KCNQ1: variants seen among roughly 807,000 people sequenced by gnomAD.
KCNQ1 encodes the protein potassium voltage-gated channel subfamily KQT member 1.
Under a neutral mutation model 72.4 loss-of-function variants are expected in KCNQ1, and 49 were observed. The observed-to-expected ratio is 0.68, with a 90% CI of 0.54 to 0.86. KCNQ1 has a LOEUF of 0.86. Among genes scored for constraint, KCNQ1 ranks in the 40% least tolerant of loss-of-function variants. KCNQ1 has a pLI of 0.00. For missense variants in KCNQ1, 790 were observed against 945.1 expected (o/e 0.84, Z 2.15); for synonymous variants, 450 against 412.6 (o/e 1.09, Z -1.10).
rs4930126 is a variant in KCNQ1, at chr11:2,571,779, C to T, written c.684-234C>T. ...CTGAGGGAATCTGGAGGTACCTGGC[C>T]GACCCCCAGCTCAGCCCTGTGTGGG... On this transcript the variant is annotated intron_variant, in intron 4 of 15. Coordinates refer to ENST00000155840, the MANE Select transcript of KCNQ1 (RefSeq NM_000218.3). Among the ~76,000 whole-genome samples the T allele has an allele frequency of 0.23, 34,386 of 152,064 alleles. 4,697 individuals are homozygous for T. Among genetic ancestry groups the T allele is most frequent in the East Asian group, 0.54 (2,798 of 5,138 alleles).
intron 2 of KCNQ1, among the ~76,000 whole-genome samples, chr11:2,548,195 A>C (rs1222490644): frequency 1.3e-5 from 2 of 152,214 alleles, no homozygotes; most frequent in Non-Finnish European, 2.9e-5. Context: ...CCGAGGTCCC[A>C]GGGTCATGCG....
chr11:2,806,584 G>C (rs773334459), intron 15 of KCNQ1, among the ~76,000 whole-genome samples: 1 of 152,164 alleles, frequency 6.6e-6, no homozygotes, highest in Non-Finnish European at 1.5e-5. Flanking sequence ...CGAGCAGCTG[G>C]GCCGTGTCTG....
Position 2,767,186 on chromosome 11 carries a change from AT to A in KCNQ1, c.1515-1647del, listed in dbSNP as rs113175447. On this transcript the variant is annotated intron_variant, in intron 11 of 15. Coordinates refer to ENST00000155840, the MANE Select transcript of KCNQ1 (RefSeq NM_000218.3). This position sits in a 1 kb window ranked among gnomAD's most constrained non-coding sequence, Gnocchi z 4.6. ...CATCTATATGTGTGTGTGTGTGTGT[AT>A]TTTTTTTTTTCTTTGCTTAGCTAGG... Among the ~76,000 whole-genome samples the A allele has an allele frequency of 2.8e-3, 419 of 147,486 alleles. No individual in the cohort carries two copies. Among genetic ancestry groups the A allele is most frequent in the African/African-American group, 7.1e-3 (285 of 40,268 alleles).
rs1375828515 is a variant in KCNQ1, at chr11:2,635,850, T to G, written c.1394-26111T>G. ...TTCTTCCATTTGTTTGTATCCTCTT[T>G]TATTTTGTTCAGCAGTGGTTTGTAC... On this transcript the variant is annotated intron_variant, in intron 10 of 15. Transcript: ENST00000155840. 4 of 152,236 alleles carry G rather than the reference T, an allele frequency of 2.6e-5. No homozygotes were observed. In the East Asian group the frequency reaches 7.7e-4, roughly 29 times the overall value. The allele number at this position is 152,236 out of a possible 1,614,324, so 9.4% of individuals were successfully genotyped here.
At position 2,471,894 on chromosome 11, in the gene KCNQ1, GTGTGTGTATGCGTGCACCTA is replaced by G. The variant is rs990542341; in HGVS notation, c.386+26420_386+26439del. On this transcript the variant is annotated intron_variant, in intron 1 of 15. Coordinates refer to ENST00000155840, the MANE Select transcript of KCNQ1 (RefSeq NM_000218.3). The surrounding 1 kb of genome is among the most constrained non-coding windows in gnomAD (Gnocchi z 4.8). ...TGGGTGTGTGTGCACATGTGTATAG[GTGTGTGTATGCGTGCACCTA>G]TGTGTGTATAGGCGTGTATGTGTGC... 2.0e-5 allele frequency among the ~76,000 whole-genome samples: 3 copies of G among 150,878 alleles called. No individual in the cohort carries two copies. Among genetic ancestry groups the G allele is most frequent in the Admixed American group, 6.6e-5 (1 of 15,210 alleles).
At chr11:2,667,184 C>G (rs1850090776) in intron 11 of KCNQ1, 1 of 398,566 alleles carries the variant, frequency 2.5e-6, no homozygotes, top group Non-Finnish European at 4.4e-6. Flanking sequence ...TGCCATCAGC[C>G]CAGCTGTGGC....
intron 2 of KCNQ1, among the ~76,000 whole-genome samples, chr11:2,556,772 A>T (rs1017872124): frequency 1.1e-4 from 17 of 152,198 alleles, no homozygotes; most frequent in African/African-American, 2.9e-4. Context: ...TACAGTGGAC[A>T]CTGTCTTTAG....
chr11:2,610,447 C>G (rs1331650162), intron 10 of KCNQ1: 1 of 398,146 alleles, frequency 2.5e-6, no homozygotes, highest in Non-Finnish European at 4.4e-6. Context: ...TATATTTGAT[C>G]CACTTTTTTG....
rs563996618 is a variant in KCNQ1 at position 2,746,066 on chromosome 11, T to G, written c.1515-22778T>G. On this transcript the variant is annotated intron_variant, in intron 11 of 15. Transcript: ENST00000155840. This position sits in a 1 kb window ranked among gnomAD's most constrained non-coding sequence, Gnocchi z 5.9. The stretch of plus-strand genomic sequence containing the variant: ...CACCACACCTAGCTAATTTTTGTAT[T>G]TTTGGTAGAGGTGGGGTTTCACCAT... 3.3e-5 allele frequency among the ~76,000 whole-genome samples: 5 copies of G among 152,266 alleles called. No homozygotes were observed. The highest frequency in any genetic ancestry group is 7.4e-5 in the Non-Finnish European group (5 of 68,014).
intron 10 of KCNQ1, among the ~76,000 whole-genome samples, chr11:2,590,627 A>G (rs1257049417): frequency 6.6e-6 from 1 of 152,148 alleles, no homozygotes; most frequent in African/African-American, 2.4e-5. Context: ...TGGGCCTTGC[A>G]TTGGTTCCTG....
At position 2,497,268 on chromosome 11, in the gene KCNQ1, T is replaced by C. The variant is rs1333406919; in HGVS notation, c.387-30660T>C. 6.6e-6 allele frequency among the ~76,000 whole-genome samples: 1 copy of C among 152,206 alleles called. No individual in the cohort carries two copies. The highest frequency in any genetic ancestry group is 1.9e-4 in the East Asian group (1 of 5,194). ...AATATCCTGAAGTGTGTTTTCCAAC[T>C]TGGTTCCATTCTCCCCGTCACTTTC... On this transcript the variant is annotated intron_variant, in intron 1 of 15. Coordinates refer to ENST00000155840, the MANE Select transcript of KCNQ1 (RefSeq NM_000218.3). This position sits in a 1 kb window ranked among gnomAD's most constrained non-coding sequence, Gnocchi z 4.5.
Position 2,623,936 on chromosome 11 carries a change from T to G in KCNQ1, c.1393+35082T>G, listed in dbSNP as rs536526462. ...TATGATAATTCCATTTTTAATTCTT[T>G]GAAGAACCACCAAACTCTTCTCCAC... On this transcript the variant is annotated intron_variant, in intron 10 of 15. Coordinates refer to ENST00000155840, the MANE Select transcript of KCNQ1 (RefSeq NM_000218.3). The surrounding 1 kb of genome is among the most constrained non-coding windows in gnomAD (Gnocchi z 5.2). The G allele has an allele frequency of 1.5e-5, 6 of 398,654 alleles. No homozygotes were observed. The South Asian group carries it at 7.6e-4, about 51-fold the overall frequency. 24.7% of individuals were successfully genotyped at this position (398,654 alleles called of 1,614,324 possible).
rs1849695427 is a variant in KCNQ1 at position 2,648,128 on chromosome 11, C to A, written c.1394-13833C>A. 7.7e-6 allele frequency: 3 copies of A among 391,302 alleles called. No individual in the cohort carries two copies. In the East Asian group the frequency reaches 1.1e-4, roughly 14 times the overall value. The allele number at this position is 391,302 out of a possible 1,614,324, so 24.2% of individuals were successfully genotyped here. On this transcript the variant is annotated intron_variant, in intron 10 of 15. Transcript: ENST00000155840. Reference sequence around the variant, plus strand: ...GCTGAGGCAGGAGGATTGCTTGAGCCCAGGAAGCAGAGGTTACAGTGAGCC... The same window carrying A: ...GCTGAGGCAGGAGGATTGCTTGAGCACAGGAAGCAGAGGTTACAGTGAGCC...
chr11:2,479,334 A>G lies in KCNQ1; in HGVS notation c.386+33850A>G, dbSNP rs1231759876. ...CTCACTGCCCTAGCAGAGGTTCTCCATGAGGACCCCACCCCTGCAGCAAAC... is the reference window on the plus strand; with the variant it reads ...CTCACTGCCCTAGCAGAGGTTCTCCGTGAGGACCCCACCCCTGCAGCAAAC... On this transcript the variant is annotated intron_variant, in intron 1 of 15. Transcript: ENST00000155840. This position sits in a 1 kb window ranked among gnomAD's most constrained non-coding sequence, Gnocchi z 4.6. Among the ~76,000 whole-genome samples, 2 of 152,202 alleles carry G rather than the reference A, an allele frequency of 1.3e-5. No homozygotes were observed. Among genetic ancestry groups the G allele is most frequent in the Non-Finnish European group, 2.9e-5 (2 of 68,028 alleles).
At chr11:2,770,779 G>A (rs568265567) in intron 12 of KCNQ1, among the ~76,000 whole-genome samples, 1 of 152,374 alleles carries the variant, frequency 6.6e-6, no homozygotes, top group Non-Finnish European at 1.5e-5. Flanking sequence ...CCTCTCTCTG[G>A]TGCTGGCATG....
intron 8 of KCNQ1, among the ~76,000 whole-genome samples, chr11:2,585,534 T>C (rs1848581402): frequency 6.6e-6 from 1 of 152,234 alleles, no homozygotes; most frequent in Non-Finnish European, 1.5e-5. Flanking sequence ...CCATGCCCTG[T>C]GGGCTGGAGA....
intron 15 of KCNQ1, among the ~76,000 whole-genome samples, chr11:2,829,818 C>A (rs1256303918): frequency 6.6e-6 from 1 of 151,890 alleles, no homozygotes; most frequent in East Asian, 1.9e-4. Flanking sequence ...GAAGATCTAG[C>A]GCCCAGGGAA....
At chr11:2,770,508 G>A (rs1014692947) in intron 12 of KCNQ1, among the ~76,000 whole-genome samples, 3 of 152,254 alleles carry the variant, frequency 2.0e-5, no homozygotes, top group Admixed American at 6.5e-5. Flanking sequence ...ATCTCCAGGG[G>A]GGTTTCGCAT....
At chr11:2,572,750 C>A (rs543850965) in intron 5 of KCNQ1, 96 bp from the exon 6 acceptor site, 1 of 1,535,848 alleles carries the variant, frequency 6.5e-7, no homozygotes, top group African/African-American at 1.4e-5. Flanking sequence ...GCGTAGGACG[C>A]CCAGTGATCG....
Sources: gnomAD v4.1 joint callset for allele counts (sites outside exome capture counted in the v4.1 genomes callset) on GRCh38, gnomAD v4.1.1 for gene constraint, Gnocchi (gnomAD v3.1) non-coding constraint, MANE v1.5 for transcripts, NCBI Gene and HGNC (gene_info 2026-07-23, HGNC 2026-07-21) for gene names.